TTLL5: variants seen among roughly 807,000 people sequenced by gnomAD.
The protein encoded by TTLL5 is tubulin tyrosine ligase like 5, also known as tubulin polyglutamylase TTLL5.
A neutral mutation model predicts 168.4 loss-of-function variants in TTLL5; 132 were observed. The ratio of observed to expected loss-of-function variants is 0.78; its 90% CI spans 0.68 to 0.91. The LOEUF (loss-of-function observed/expected upper bound fraction) is 0.91, where lower values mean the gene tolerates loss of function less well. Ranked by LOEUF, TTLL5 falls within the 40% of genes least tolerant of loss-of-function variation. TTLL5 has a pLI of 0.00. For synonymous variants in TTLL5, 546 were observed against 558.6 expected (o/e 0.98, Z 0.32); for missense variants, 1,545 against 1,581.5 (o/e 0.98, Z 0.39).
At chr14:75,851,391 T>C (rs544681767) in intron 28 of TTLL5, among the ~76,000 whole-genome samples, 1 of 152,144 alleles carries the variant, frequency 6.6e-6, no homozygotes, top group Non-Finnish European at 1.5e-5. Flanking sequence ...AAAAATTGCT[T>C]TGGTTTTGTT....
intron 3 of TTLL5, among the ~76,000 whole-genome samples, chr14:75,674,305 A>C (rs1485130447): frequency 6.6e-6 from 1 of 152,228 alleles, no homozygotes; most frequent in South Asian, 2.1e-4. Context: ...TTGCTGCCTC[A>C]GTTTTCTGTA....
At chr14:75,852,452 C>A (rs1199292323) in intron 28 of TTLL5, among the ~76,000 whole-genome samples, 3 of 152,186 alleles carry the variant, frequency 2.0e-5, no homozygotes, top group Non-Finnish European at 4.4e-5. Context: ...CTTGCACTTA[C>A]AATTTCGTGT....
intron 11 of TTLL5, 119 bp from the exon 12 acceptor site, chr14:75,720,476 CA>C: frequency 1.4e-6 from 1 of 737,394 alleles, no homozygotes; most frequent in Non-Finnish European, 2.3e-6. Context: ...AGAAGTCTGC[CA>C]TATAGAGGCT....
chr14:75,716,226 C>A (rs931427203), intron 9 of TTLL5, among the ~76,000 whole-genome samples: 1 of 152,218 alleles, frequency 6.6e-6, no homozygotes, highest in Non-Finnish European at 1.5e-5. Context: ...TAAGTGATAA[C>A]TACTGGAAGT....
intron 3 of TTLL5, among the ~76,000 whole-genome samples, chr14:75,675,447 G>A (rs1594850347): frequency 6.6e-6 from 1 of 152,112 alleles, no homozygotes; most frequent in African/African-American, 2.4e-5. Context: ...GTCTGTCCTG[G>A]AACTTGCTAG....
chr14:75,835,121 G>C lies in TTLL5; in HGVS notation c.3326+14960G>C, dbSNP rs144501257. Among the ~76,000 whole-genome samples the C allele has an allele frequency of 3.8e-3, 572 of 152,254 alleles. 5 individuals are homozygous for C. Among genetic ancestry groups the C allele is most frequent in the Non-Finnish European group, 5.3e-3 (362 of 68,012 alleles). On this transcript the variant is annotated intron_variant, in intron 28 of 31. Coordinates refer to ENST00000298832, the MANE Select transcript of TTLL5 (RefSeq NM_015072.5). ...ACAATTTGAGCTTTGACTTCCTCTAGTAAGGTACCCTAGCACTCAGCTGGC... is the reference window on the plus strand; with the variant it reads ...ACAATTTGAGCTTTGACTTCCTCTACTAAGGTACCCTAGCACTCAGCTGGC...
intron 31 of TTLL5, chr14:75,906,546 A>G (rs2033155029): frequency 1.2e-5 from 12 of 985,528 alleles, no homozygotes; most frequent in Non-Finnish European, 1.3e-5. Flanking sequence ...ACTTTTTTCC[A>G]TTTTTCAGGA....
In TTLL5 at chr14:75,693,216, C is replaced by G. The variant is rs112974335; in HGVS notation, c.502+2894C>G. Among the ~76,000 whole-genome samples, 701 of 152,174 alleles carry G rather than the reference C, an allele frequency of 4.6e-3. 3 individuals carry two copies. The highest frequency in any genetic ancestry group is 0.011 in the East Asian group (56 of 5,174). ...ATAGGTTTATGTTACAAATTCCTAGCCTTCTTAGTGAACAGGTTGATGAGG... is the reference window on the plus strand; with the variant it reads ...ATAGGTTTATGTTACAAATTCCTAGGCTTCTTAGTGAACAGGTTGATGAGG... On this transcript the variant is annotated intron_variant, in intron 6 of 31. Transcript: ENST00000298832.
intron 3 of TTLL5, among the ~76,000 whole-genome samples, chr14:75,677,482 G>A (rs971401385): frequency 6.2e-5 from 9 of 144,198 alleles, no homozygotes; most frequent in South Asian, 2.2e-4. Flanking sequence ...TGCAGCCTTA[G>A]CCTTTCAAGG....
intron 9 of TTLL5, among the ~76,000 whole-genome samples, chr14:75,708,793 C>G (rs929905855): frequency 6.6e-6 from 1 of 152,078 alleles, no homozygotes; most frequent in Non-Finnish European, 1.5e-5. Flanking sequence ...TGTGTTCTTC[C>G]CCCCAACAAA....
At chr14:75,867,003 A>T (rs2030573566) in intron 29 of TTLL5, among the ~76,000 whole-genome samples, 1 of 152,238 alleles carries the variant, frequency 6.6e-6, no homozygotes, top group Admixed American at 6.5e-5. Flanking sequence ...TTACACACTG[A>T]TGGTAAAAAC....
At chr14:75,902,039 A>G in intron 30 of TTLL5, 103 bp from the exon 31 acceptor site, 1 of 946,270 alleles carries the variant, frequency 1.1e-6, no homozygotes, top group East Asian at 2.4e-5. Flanking sequence ...TGAATGAGCC[A>G]CAGGAGAAGC....
intron 28 of TTLL5, among the ~76,000 whole-genome samples, chr14:75,845,638 G>T (rs147575244): frequency 4.9e-4 from 74 of 152,266 alleles, no homozygotes; most frequent in Non-Finnish European, 9.0e-4. Context: ...TGTATGATTT[G>T]TGCTGAACAC....
intron 31 of TTLL5, among the ~76,000 whole-genome samples, chr14:75,939,810 T>A (rs1027304485): frequency 6.6e-6 from 1 of 152,212 alleles, no homozygotes; most frequent in Non-Finnish European, 1.5e-5. Context: ...ACAGGAGGAA[T>A]GAGGCTGAAT....
At chr14:75,910,257 T>G (rs2033318798) in intron 31 of TTLL5, among the ~76,000 whole-genome samples, 1 of 152,204 alleles carries the variant, frequency 6.6e-6, no homozygotes, top group Non-Finnish European at 1.5e-5. Context: ...CAAATTACAC[T>G]TACATTACAG....
intron 3 of TTLL5, among the ~76,000 whole-genome samples, chr14:75,674,466 C>G (rs1393984476): frequency 6.6e-6 from 1 of 152,132 alleles, no homozygotes; most frequent in Admixed American, 6.5e-5. Flanking sequence ...GTGTTAGATG[C>G]CAAATTGGTT....
chr14:75,699,186 A>G lies in TTLL5; in HGVS notation c.503-2A>G. 1 of 1,612,932 alleles carries G rather than the reference A, an allele frequency of 6.2e-7. No homozygotes were observed. Among genetic ancestry groups the G allele is most frequent in the East Asian group, 2.2e-5 (1 of 44,854 alleles). Reference sequence around the variant, plus strand: ...TTTTTTATCTCCCAATATTTTGAGCAGATTCATATTCGAAGGACCGGGGAC... The same window carrying G: ...TTTTTTATCTCCCAATATTTTGAGCGGATTCATATTCGAAGGACCGGGGAC... On this transcript the variant is annotated splice_acceptor_variant, in intron 6 of 31. Coordinates refer to ENST00000298832, the MANE Select transcript of TTLL5 (RefSeq NM_015072.5). LOFTEE classifies it high-confidence loss of function.
At chr14:75,901,906 A>G (rs1299006300) in intron 30 of TTLL5, among the ~76,000 whole-genome samples, 5 of 152,206 alleles carry the variant, frequency 3.3e-5, no homozygotes, top group Admixed American at 1.3e-4. Flanking sequence ...TCTTGATACT[A>G]CATTTCAGTA....
At chr14:75,923,455 A>G (rs1472133611) in intron 31 of TTLL5, among the ~76,000 whole-genome samples, 2 of 151,940 alleles carry the variant, frequency 1.3e-5, no homozygotes, top group Non-Finnish European at 2.9e-5. Context: ...TTCTGCCTTC[A>G]TTTTGTTATT....
Sources: gnomAD v4.1 joint callset for allele counts (sites outside exome capture counted in the v4.1 genomes callset) on GRCh38, gnomAD v4.1.1 for gene constraint, MANE v1.5 for transcripts, NCBI Gene and HGNC (gene_info 2026-07-23, HGNC 2026-07-21) for gene names.